FERRY3: variants seen among roughly 807,000 people sequenced by gnomAD.
FERRY3 encodes FERRY endosomal RAB5 effector complex subunit 3.
At chr12:4,502,458 C>T in the FERRY3 span, 2 of 446,634 alleles carry the variant, frequency 4.5e-6, no homozygotes, top group South Asian at 1.6e-5. This position sits in a 1 kb window ranked among gnomAD's most constrained non-coding sequence, Gnocchi z 4.2. Flanking sequence ...AGAAAAATCT[C>T]ATCAGCTTGT....
chr12:4,517,710 C>CAGAGAGAGAGAGAGAGAGAGAGAG, the FERRY3 span, among the ~76,000 whole-genome samples: 18 of 132,302 alleles, frequency 1.4e-4, no homozygotes, highest in African/African-American at 4.7e-4. Context: ...TATATATAGA[C>CAGAGAGAGAGAGAGAGAGAGAGAG]AGAGAGAGAG....
chr12:4,490,249 A>C, the FERRY3 span, among the ~76,000 whole-genome samples: 1 of 152,196 alleles, frequency 6.6e-6, no homozygotes, highest in South Asian at 2.1e-4. Flanking sequence ...ACCCTTTATA[A>C]TCTATATAAT....
At chr12:4,495,535 G>A in the FERRY3 span, among the ~76,000 whole-genome samples, 1 of 152,162 alleles carries the variant, frequency 6.6e-6, no homozygotes, top group African/African-American at 2.4e-5. Flanking sequence ...TAAGCATAGA[G>A]CTTATTGAAG....
chr12:4,531,665 CCACTTT>C, the FERRY3 span, among the ~76,000 whole-genome samples: 1 of 152,222 alleles, frequency 6.6e-6, no homozygotes, highest in South Asian at 2.1e-4. Flanking sequence ...TTCTCCACCT[CCACTTT>C]CAGGCATAAC....
the FERRY3 span, among the ~76,000 whole-genome samples, chr12:4,505,579 T>A: frequency 0.053 from 8,100 of 152,288 alleles, 709 homozygotes; most frequent in African/African-American, 0.19. Flanking sequence ...GGGAGGTAAG[T>A]CCTACTACTA....
chr12:4,509,613 G>A, the FERRY3 span, among the ~76,000 whole-genome samples: 1 of 144,148 alleles, frequency 6.9e-6, no homozygotes, highest in Non-Finnish European at 1.5e-5. Context: ...CAGCCTAACT[G>A]GGAGGCACCC....
the FERRY3 span, chr12:4,518,146 T>C: frequency 6.2e-7 from 1 of 1,614,126 alleles, no homozygotes; most frequent in Non-Finnish European, 8.5e-7. Context: ...ACAGAGCTGT[T>C]TGGAGCCGAT....
chr12:4,502,546 C>T, the FERRY3 span: 2 of 360,900 alleles, frequency 5.5e-6, no homozygotes, highest in Non-Finnish European at 1.1e-5. The surrounding 1 kb of genome is among the most constrained non-coding windows in gnomAD (Gnocchi z 4.2). Flanking sequence ...ATACATACAC[C>T]TCACTGGAAA....
At chr12:4,520,781 A>G in the FERRY3 span, among the ~76,000 whole-genome samples, 1 of 152,354 alleles carries the variant, frequency 6.6e-6, no homozygotes, top group Non-Finnish European at 1.5e-5. Context: ...TAAAAAAATT[A>G]AAAGTTTTTT....
chr12:4,519,454 C>G, the FERRY3 span, among the ~76,000 whole-genome samples: 2 of 152,308 alleles, frequency 1.3e-5, no homozygotes, highest in Non-Finnish European at 2.9e-5. The surrounding 1 kb of genome is among the most constrained non-coding windows in gnomAD (Gnocchi z 4.3). Flanking sequence ...CCTGAGAAGA[C>G]TTCCACAAAA....
the FERRY3 span, among the ~76,000 whole-genome samples, chr12:4,514,534 G>A: frequency 6.6e-6 from 1 of 151,992 alleles, no homozygotes; most frequent in African/African-American, 2.4e-5. Flanking sequence ...AGAAAATGTG[G>A]CACATATACA....
the FERRY3 span, among the ~76,000 whole-genome samples, chr12:4,497,253 T>C: frequency 6.6e-6 from 1 of 152,050 alleles, no homozygotes; most frequent in South Asian, 2.1e-4. Context: ...CTCACAAACA[T>C]AATATTGAAC....
the FERRY3 span, among the ~76,000 whole-genome samples, chr12:4,504,136 G>T: frequency 6.6e-6 from 1 of 152,326 alleles, no homozygotes; most frequent in South Asian, 2.1e-4. Context: ...GCTAACAGAC[G>T]GGGCCTGACA....
chr12:4,489,673 A>G, the FERRY3 span: 8 of 606,240 alleles, frequency 1.3e-5, no homozygotes, highest in African/African-American at 1.3e-4. Flanking sequence ...GGTTTCACAC[A>G]CATGTATCTT....
the FERRY3 span, among the ~76,000 whole-genome samples, chr12:4,522,288 T>C: frequency 4.8e-4 from 73 of 152,250 alleles, no homozygotes; most frequent in Non-Finnish European, 4.3e-4. Flanking sequence ...ACTGACACTA[T>C]TAAGAAAATG....
chr12:4,525,505 A>T, the FERRY3 span: 1 of 1,612,962 alleles, frequency 6.2e-7, no homozygotes, highest in Non-Finnish European at 8.5e-7. Flanking sequence ...CAAAATGCTG[A>T]GCAGCCAGTG....
chr12:4,498,755 C>A, the FERRY3 span, among the ~76,000 whole-genome samples: 2 of 152,120 alleles, frequency 1.3e-5, no homozygotes, highest in African/African-American at 4.8e-5. Context: ...GTGGGGATAG[C>A]AGGGATGGTT....
the FERRY3 span, among the ~76,000 whole-genome samples, chr12:4,513,387 A>T: frequency 7.9e-5 from 12 of 152,172 alleles, no homozygotes; most frequent in African/African-American, 2.9e-4. Context: ...GAATTGGAAA[A>T]AACTACTTTA....
chr12:4,500,130 CT>C, the FERRY3 span: 2 of 1,604,554 alleles, frequency 1.2e-6, no homozygotes, highest in Non-Finnish European at 8.5e-7. Flanking sequence ...ATTTTTCTAT[CT>C]GCTTACCTCT....
Sources: gnomAD v4.1 joint callset for allele counts (sites outside exome capture counted in the v4.1 genomes callset) on GRCh38, gnomAD v4.1.1 for gene constraint, Gnocchi (gnomAD v3.1) non-coding constraint, MANE v1.5 for transcripts, NCBI Gene and HGNC (gene_info 2026-07-23, HGNC 2026-07-21) for gene names.